TTC6: variants seen among roughly 807,000 people sequenced by gnomAD.
TTC6 encodes tetratricopeptide repeat domain 6.
In TTC6, 172 loss-of-function variants were observed where a neutral mutation model predicts 210.4. The observed-to-expected ratio is 0.82, with a 90% CI of 0.72 to 0.93. The LOEUF (loss-of-function observed/expected upper bound fraction) is 0.93. Ranked by LOEUF, TTC6 falls within the 40% of genes least tolerant of loss-of-function variation. The pLI is 0.00. For missense variants in TTC6, 2,414 were observed against 2,318.1 expected, an observed-to-expected ratio of 1.04 and a Z score of -0.85; for synonymous variants, 804 against 819.6, an observed-to-expected ratio of 0.98 and a Z score of 0.32.
rs117616181 is a variant in TTC6 at position 37,723,742 on chromosome 14, C to T, written c.1714-1156C>T. 3.7e-3 allele frequency among the ~76,000 whole-genome samples: 543 copies of T among 146,512 alleles called. 4 individuals are homozygous for T. Among genetic ancestry groups the T allele is most frequent in the Non-Finnish European group, 6.9e-3 (443 of 64,092 alleles). ...CACATTTCCAAAGTAACTTTTCCTCCCACCCCCTTGGGTGAGATTGTTTCA... is the reference window on the plus strand; with the variant it reads ...CACATTTCCAAAGTAACTTTTCCTCTCACCCCCTTGGGTGAGATTGTTTCA... On this transcript the variant is annotated intron_variant, in intron 6 of 30. Coordinates refer to ENST00000553443, the Ensembl canonical transcript of TTC6.
chr14:37,666,929 G>A lies in TTC6; in HGVS notation c.940-13222G>A, dbSNP rs551321168. ...GAAAAAAAATTTTATGACTATGGTG[G>A]TATAAAAGTAAATATTATCCAGGCT... On this transcript the variant is annotated intron_variant, in intron 1 of 30. Coordinates refer to ENST00000553443, the Ensembl canonical transcript of TTC6. 9.7e-4 allele frequency among the ~76,000 whole-genome samples: 145 copies of A among 150,120 alleles called. 8 individuals carry two copies. Among genetic ancestry groups the A allele is most frequent in the Non-Finnish European group, 1.2e-3 (83 of 66,892 alleles).
chr14:37,793,159 C>T (rs908077393), intron 17 of TTC6, among the ~76,000 whole-genome samples: 1 of 152,144 alleles, frequency 6.6e-6, no homozygotes, highest in Non-Finnish European at 1.5e-5. Flanking sequence ...CTTGCCAAAA[C>T]ATGTCAGATT....
chr14:37,635,605 T>C (rs2095678641), intron 1 of TTC6, among the ~76,000 whole-genome samples: 2 of 152,178 alleles, frequency 1.3e-5, no homozygotes, highest in South Asian at 2.1e-4. Flanking sequence ...ATGAAAAATA[T>C]ATATCATGCA....
chr14:37,804,951 C>A (rs1442828887), intron 21 of TTC6, 137 bp downstream of exon 23: 2 of 818,768 alleles, frequency 2.4e-6, no homozygotes, highest in Non-Finnish European at 3.9e-6. Flanking sequence ...TTGTTATAGT[C>A]ATTCTGCACC....
chr14:37,711,050 C>T lies in TTC6; in HGVS notation c.1572-3605C>T, dbSNP rs367552814. Among the ~76,000 whole-genome samples the T allele has an allele frequency of 3.2e-4, 49 of 152,150 alleles. No homozygotes were observed. In the East Asian group the frequency reaches 9.1e-3, roughly 28 times the overall value. On this transcript the variant is annotated intron_variant, in intron 5 of 30. Coordinates refer to ENST00000553443, the Ensembl canonical transcript of TTC6. ...GACTCATTAGGTCTGTGTTGGGGCT[C>T]AATAACTTACATTCCTAACAAGTTG...
intron 23 of TTC6, among the ~76,000 whole-genome samples, chr14:37,807,981 T>G (rs2096122174): frequency 6.6e-6 from 1 of 152,118 alleles, no homozygotes; most frequent in East Asian, 1.9e-4. Flanking sequence ...ACTTTTTGAT[T>G]GTTTTTAAAA....
At chr14:37,692,401 T>A in intron 3 of TTC6, among the ~76,000 whole-genome samples, 1 of 151,864 alleles carries the variant, frequency 6.6e-6, no homozygotes, top group African/African-American at 2.4e-5. Context: ...CATATGCAAA[T>A]CAATTAATGT....
chr14:37,768,376 A>G (rs1391712228), intron 14 of TTC6, among the ~76,000 whole-genome samples: 5 of 151,778 alleles, frequency 3.3e-5, no homozygotes, highest in African/African-American at 9.7e-5. Context: ...CATTGAATCT[A>G]TAAATTACCT....
At chr14:37,784,603 A>G (rs1053638381) in intron 14 of TTC6, among the ~76,000 whole-genome samples, 2 of 152,064 alleles carry the variant, frequency 1.3e-5, no homozygotes, top group Admixed American at 1.3e-4. Context: ...TTTTAATTGG[A>G]GCATTTAGCC....
At chr14:37,836,880 T>G (rs190260072) in intron 29 of TTC6, among the ~76,000 whole-genome samples, 6 of 152,326 alleles carry the variant, frequency 3.9e-5, no homozygotes, top group Non-Finnish European at 7.4e-5. Flanking sequence ...TGGCTTCTTT[T>G]ATCTTTAGTG....
At chr14:37,745,012 A>T (rs12434788) in intron 10 of TTC6, among the ~76,000 whole-genome samples, 3 of 151,446 alleles carry the variant, frequency 2.0e-5, no homozygotes, top group Non-Finnish European at 4.4e-5. Context: ...ACACACACAC[A>T]CACCCACACA....
rs201800973 is a variant in TTC6, at chr14:37,771,133, C to G, written c.3267-16335C>G. 3.6e-3 allele frequency among the ~76,000 whole-genome samples: 541 copies of G among 151,780 alleles called. 4 individuals carry two copies. Among genetic ancestry groups the G allele is most frequent in the East Asian group, 8.2e-3 (42 of 5,146 alleles). On this transcript the variant is annotated intron_variant, in intron 14 of 30. Transcript: ENST00000553443. ...CTTTAAGAATGTTGAATATTGGCCC[C>G]CACTCTCTTCTGGCTTATAGGGTTT...
chr14:37,779,312 C>T (rs117033148), intron 14 of TTC6, among the ~76,000 whole-genome samples: 5,364 of 152,208 alleles, frequency 0.035, 136 homozygotes, highest in South Asian at 0.096. Flanking sequence ...TTCTGATGTC[C>T]GTGTCCCTCA....
At chr14:37,839,346 C>T (rs2139052693) in intron 29 of TTC6, among the ~76,000 whole-genome samples, 1 of 152,236 alleles carries the variant, frequency 6.6e-6, no homozygotes, top group South Asian at 2.1e-4. Context: ...TTCTAACTGA[C>T]ATGAGATGGT....
upstream of TTC6, among the ~76,000 whole-genome samples, chr14:37,617,792 T>C (rs567521102): frequency 4.6e-5 from 7 of 152,374 alleles, no homozygotes; most frequent in African/African-American, 1.7e-4. Flanking sequence ...AAGTTTCTTT[T>C]GGAACTTTAG....
chr14:37,642,167 T>G (rs2095693095), intron 1 of TTC6, among the ~76,000 whole-genome samples: 1 of 152,228 alleles, frequency 6.6e-6, no homozygotes, highest in Non-Finnish European at 1.5e-5. Flanking sequence ...TCCTGTGCTT[T>G]GATGGTCCCA....
chr14:37,682,804 T>C (rs551276745), exon 3 of TTC6: 36 of 1,535,574 alleles, frequency 2.3e-5, no homozygotes, highest in African/African-American at 1.5e-4. Context: ...ATTCTCCAGA[T>C]TGAACAAGAG....
At chr14:37,611,251 AG>A (rs145002409) in intron 2 of TTC6, 7,282 of 152,304 alleles carry the variant, frequency 0.048, 585 homozygotes, top group African/African-American at 0.17. Context: ...CGGTGGAGCC[AG>A]TCGAGCCCAC....
At chr14:37,836,657 A>T (rs930737288) in intron 29 of TTC6, among the ~76,000 whole-genome samples, 2 of 151,896 alleles carry the variant, frequency 1.3e-5, no homozygotes, top group African/African-American at 4.8e-5. Flanking sequence ...TACAGTGCAC[A>T]CTCCCTCCAG....
Sources: gnomAD v4.1 joint callset for allele counts (sites outside exome capture counted in the v4.1 genomes callset) on GRCh38, gnomAD v4.1.1 for gene constraint, MANE v1.5 for transcripts, NCBI Gene and HGNC (gene_info 2026-07-23, HGNC 2026-07-21) for gene names.